Variants in AUTS2 observed in about 807,000 individuals in gnomAD.
AUTS2 encodes activator of transcription and developmental regulator AUTS2, also known as autism susceptibility gene 2 protein.
AUTS2 carries 17 observed loss-of-function variants against 112.4 expected under a neutral mutation model. The observed-to-expected ratio is 0.15, with a 90% CI of 0.10 to 0.23. The LOEUF (loss-of-function observed/expected upper bound fraction) is 0.23. Among genes scored for constraint, AUTS2 ranks in the 10% least tolerant of loss-of-function variants. The pLI is 1.00. For synonymous variants in AUTS2, 751 were observed against 702.7 expected (o/e 1.07, Z -1.09); for missense variants, 1,510 against 1,701.6 (o/e 0.89, Z 1.98).
chr7:70,278,153 A>C (rs1337981380), intron 4 of AUTS2, among the ~76,000 whole-genome samples: 2 of 152,142 alleles, frequency 1.3e-5, no homozygotes, highest in East Asian at 1.9e-4. Context: ...CATTATCCTC[A>C]AGCAAGAATA....
chr7:70,721,680 G>C (rs1786688976), intron 6 of AUTS2, among the ~76,000 whole-genome samples: 2 of 152,170 alleles, frequency 1.3e-5, no homozygotes, highest in Non-Finnish European at 1.5e-5. Context: ...GGGCTAGTCA[G>C]ATATTGACCC....
intron 2 of AUTS2, among the ~76,000 whole-genome samples, chr7:69,985,211 A>G (rs1309934863): frequency 6.8e-6 from 1 of 148,056 alleles, no homozygotes; most frequent in African/African-American, 2.5e-5. Context: ...AGCCTGAGCA[A>G]CAGAGGAAGA....
chr7:70,649,787 A>G (rs945656198), intron 5 of AUTS2, among the ~76,000 whole-genome samples: 17 of 152,068 alleles, frequency 1.1e-4, no homozygotes, highest in African/African-American at 3.9e-4. Flanking sequence ...CTCGGTGTCC[A>G]AAGTGCTGGG....
intron 5 of AUTS2, among the ~76,000 whole-genome samples, chr7:70,682,827 C>T (rs1211671686): frequency 2.0e-5 from 3 of 152,256 alleles, no homozygotes; most frequent in Non-Finnish European, 2.9e-5. Flanking sequence ...GGCTTCTTCA[C>T]GTGGCTGGCA....
intron 2 of AUTS2, among the ~76,000 whole-genome samples, chr7:70,009,875 C>T (rs1287767970): frequency 3.3e-5 from 5 of 152,130 alleles, no homozygotes; most frequent in African/African-American, 9.7e-5. Flanking sequence ...TTGGTGAGTT[C>T]CATCCTTTCT....
intron 10 of AUTS2, 128 bp downstream of exon 10, chr7:70,768,196 C>A: frequency 1.2e-6 from 1 of 851,376 alleles, no homozygotes; most frequent in Non-Finnish European, 1.8e-6. Flanking sequence ...TGCTCCTCGC[C>A]ACTTTGGATG....
intron 1 of AUTS2, among the ~76,000 whole-genome samples, chr7:69,664,543 G>A (rs931264156): frequency 2.0e-5 from 3 of 152,126 alleles, no homozygotes; most frequent in South Asian, 2.1e-4. Flanking sequence ...AATATTTTAC[G>A]TTAACCATGG....
intron 1 of AUTS2, among the ~76,000 whole-genome samples, chr7:69,671,519 G>GTC (rs1562800145): frequency 7.3e-5 from 11 of 149,756 alleles, no homozygotes; most frequent in Admixed American, 1.3e-4. Flanking sequence ...GTGTGTGTGT[G>GTC]TGTGTCTGTG....
intron 1 of AUTS2, among the ~76,000 whole-genome samples, chr7:69,645,381 A>AT (rs771418803): frequency 8.5e-5 from 13 of 152,186 alleles, no homozygotes; most frequent in Non-Finnish European, 1.0e-4. Flanking sequence ...CTCAGAAGTG[A>AT]TTTAAAGGGA....
At chr7:70,163,463 C>T (rs189973734) in intron 4 of AUTS2, among the ~76,000 whole-genome samples, 33 of 151,760 alleles carry the variant, frequency 2.2e-4, no homozygotes, top group Admixed American at 1.9e-3. Context: ...TGCCCATTCC[C>T]CAGACACTTC....
chr7:70,608,077 T>C (rs1434199487), intron 5 of AUTS2, among the ~76,000 whole-genome samples: 21 of 152,182 alleles, frequency 1.4e-4, no homozygotes, highest in Non-Finnish European at 2.4e-4. Context: ...GCTCTGGGCA[T>C]TTGCTCTTTT....
At chr7:70,194,583 T>C (rs1195065795) in intron 4 of AUTS2, 1 of 152,180 alleles carries the variant, frequency 6.6e-6, no homozygotes, top group Non-Finnish European at 1.5e-5. Context: ...AGGGTGAAGA[T>C]GAAGGAGTAG....
chr7:69,891,585 A>G (rs1435313547), intron 1 of AUTS2, among the ~76,000 whole-genome samples: 1 of 151,884 alleles, frequency 6.6e-6, no homozygotes, highest in Non-Finnish European at 1.5e-5. Context: ...GCTGTTTCAT[A>G]TTCTCACCAG....
chr7:69,844,520 A>G (rs1792111430), intron 1 of AUTS2, among the ~76,000 whole-genome samples: 2 of 152,220 alleles, frequency 1.3e-5, no homozygotes, highest in South Asian at 2.1e-4. Flanking sequence ...AACATGACAG[A>G]CACTGGAAAG....
At chr7:69,670,238 CTG>C (rs1168191896) in intron 1 of AUTS2, among the ~76,000 whole-genome samples, 1 of 152,098 alleles carries the variant, frequency 6.6e-6, no homozygotes, top group African/African-American at 2.4e-5. Context: ...AGAGAATGGG[CTG>C]TGTGTTAACT....
chr7:69,622,224 C>G (rs747985879), intron 1 of AUTS2, among the ~76,000 whole-genome samples: 2 of 152,108 alleles, frequency 1.3e-5, no homozygotes, highest in African/African-American at 2.4e-5. Context: ...GCAGGCTTCC[C>G]GATTGTGTTC....
At chr7:70,636,488 C>A (rs528695162) in intron 5 of AUTS2, among the ~76,000 whole-genome samples, 2 of 152,242 alleles carry the variant, frequency 1.3e-5, no homozygotes, top group East Asian at 1.9e-4. Context: ...TATCAGGAGA[C>A]CTGCGTTCAA....
Position 70,730,454 on chromosome 7 carries a change from C to T in AUTS2, c.742+31834C>T, listed in dbSNP as rs1585586317. 3.9e-5 allele frequency among the ~76,000 whole-genome samples: 6 copies of T among 152,296 alleles called. No individual in the cohort carries two copies. In the South Asian group the frequency reaches 1.2e-3, roughly 32 times the overall value. On this transcript the variant is annotated intron_variant, in intron 6 of 18. Transcript: ENST00000342771. The stretch of plus-strand genomic sequence containing the variant: ...CTCAGCCCAGGCAGCCACTAATCTG[C>T]TTTCTGTCTCTGGCTTTGCCCGTTC...
chr7:69,983,194 G>A (rs915484843), intron 2 of AUTS2, among the ~76,000 whole-genome samples: 5 of 151,994 alleles, frequency 3.3e-5, no homozygotes, highest in African/African-American at 1.2e-4. Flanking sequence ...TGCCCTTACT[G>A]CATTTTATAA....
Sources: gnomAD v4.1 joint callset for allele counts (sites outside exome capture counted in the v4.1 genomes callset) on GRCh38, gnomAD v4.1.1 for gene constraint, MANE v1.5 for transcripts, NCBI Gene and HGNC (gene_info 2026-07-23, HGNC 2026-07-21) for gene names.